CCDC7: variants seen among roughly 807,000 people sequenced by gnomAD.
CCDC7 encodes coiled-coil domain containing 7, also known as coiled-coil domain-containing protein 7.
In CCDC7, 183 loss-of-function variants were observed where a neutral mutation model predicts 196.9. That is an observed-to-expected ratio of 0.93 (90% confidence interval 0.82 to 1.05). The LOEUF (loss-of-function observed/expected upper bound fraction) is 1.05, where lower values mean the gene tolerates loss of function less well. Ranked by LOEUF, CCDC7 falls within the 50% of genes least tolerant of loss-of-function variation. CCDC7 has a pLI of 0.00. For synonymous variants in CCDC7, 525 were observed against 484.6 expected, an observed-to-expected ratio of 1.08 and a Z score of -1.10; for missense variants, 1,540 against 1,482.2, an observed-to-expected ratio of 1.04 and a Z score of -0.64.
chr10:32,548,272 A>G (rs1291220063), intron 13 of CCDC7, among the ~76,000 whole-genome samples: 1 of 152,070 alleles, frequency 6.6e-6, no homozygotes, highest in Admixed American at 6.5e-5. Flanking sequence ...CCGATTGGCT[A>G]TTTTAAAGAG....
intron 11 of CCDC7, among the ~76,000 whole-genome samples, chr10:32,526,929 G>A (rs555719430): frequency 7.2e-5 from 11 of 152,206 alleles, no homozygotes; most frequent in African/African-American, 1.7e-4. Context: ...CGTAGGTCAC[G>A]TGCCACCCAA....
At chr10:32,839,575 G>A (rs2092837426) in intron 33 of CCDC7, among the ~76,000 whole-genome samples, 1 of 151,944 alleles carries the variant, frequency 6.6e-6, no homozygotes, top group Non-Finnish European at 1.5e-5. Context: ...ATACTCCACT[G>A]ACAGCACTAG....
chr10:32,683,006 C>A (rs1196109523), intron 21 of CCDC7, among the ~76,000 whole-genome samples: 1 of 152,022 alleles, frequency 6.6e-6, no homozygotes, highest in East Asian at 1.9e-4. Flanking sequence ...TAATTAGATC[C>A]TATTTGTTAA....
chr10:32,795,268 T>C (rs190515281), intron 29 of CCDC7, among the ~76,000 whole-genome samples: 1 of 152,332 alleles, frequency 6.6e-6, no homozygotes, highest in African/African-American at 2.4e-5. Flanking sequence ...TGTCATTCTT[T>C]GTTCTTCCCC....
At chr10:32,794,743 C>A (rs1053524257) in intron 29 of CCDC7, among the ~76,000 whole-genome samples, 3 of 152,166 alleles carry the variant, frequency 2.0e-5, no homozygotes, top group African/African-American at 7.2e-5. Flanking sequence ...TCTTTTGATA[C>A]ATGTCCTTTG....
chr10:32,763,395 A>G (rs1161566295), intron 28 of CCDC7, among the ~76,000 whole-genome samples: 1 of 151,982 alleles, frequency 6.6e-6, no homozygotes, highest in Non-Finnish European at 1.5e-5. Context: ...ATCCTTACAT[A>G]CTGTTCAGGT....
intron 16 of CCDC7, among the ~76,000 whole-genome samples, chr10:32,582,059 C>A (rs1289565698): frequency 7.1e-6 from 1 of 139,908 alleles, no homozygotes; most frequent in African/African-American, 2.6e-5. Context: ...AATGCCACTA[C>A]AAAAGTCTGT....
intron 29 of CCDC7, among the ~76,000 whole-genome samples, chr10:32,789,209 C>T (rs1409177436): frequency 7.1e-6 from 1 of 141,190 alleles, no homozygotes; most frequent in East Asian, 2.1e-4. Context: ...AATCAGGAAA[C>T]ATAACATCAC....
chr10:32,825,827 G>A (rs552365527), intron 32 of CCDC7, among the ~76,000 whole-genome samples: 12 of 152,220 alleles, frequency 7.9e-5, no homozygotes, highest in South Asian at 6.2e-4. Flanking sequence ...GCACAGCCTC[G>A]CCAGGTGTCT....
intron 16 of CCDC7, chr10:32,574,313 T>C (rs1407717236): frequency 4.0e-6 from 2 of 496,608 alleles, no homozygotes; most frequent in African/African-American, 2.1e-5. Flanking sequence ...TTATATATTA[T>C]ATAATAATAT....
chr10:32,597,999 C>T (rs1418763520), intron 18 of CCDC7, among the ~76,000 whole-genome samples: 1 of 152,208 alleles, frequency 6.6e-6, no homozygotes, highest in Non-Finnish European at 1.5e-5. Context: ...ATCTCAAACT[C>T]CATGCTGGGA....
At chr10:32,757,429 G>T (rs1331803970) in intron 28 of CCDC7, among the ~76,000 whole-genome samples, 1 of 152,130 alleles carries the variant, frequency 6.6e-6, no homozygotes, top group Non-Finnish European at 1.5e-5. Context: ...AATCAAACCA[G>T]AACTCAGGAT....
intron 18 of CCDC7, among the ~76,000 whole-genome samples, chr10:32,617,583 A>AT (rs1224407693): frequency 6.6e-6 from 1 of 151,668 alleles, no homozygotes; most frequent in Non-Finnish European, 1.5e-5. Context: ...ATTTCCATGT[A>AT]TTTTTATCAT....
intron 11 of CCDC7, among the ~76,000 whole-genome samples, chr10:32,521,537 G>T (rs565789725): frequency 7.0e-4 from 105 of 149,098 alleles, no homozygotes; most frequent in African/African-American, 2.3e-3. Context: ...TTTGTATTTT[G>T]ATTTGTATCC....
At chr10:32,639,272 C>T (rs1455746349) in intron 20 of CCDC7, among the ~76,000 whole-genome samples, 1 of 152,212 alleles carries the variant, frequency 6.6e-6, no homozygotes, top group East Asian at 1.9e-4. Context: ...TTGCCTTCTG[C>T]TAGCTTTTGA....
At chr10:32,859,947 G>A (rs1020709773) in intron 41 of CCDC7, among the ~76,000 whole-genome samples, 11 of 152,124 alleles carry the variant, frequency 7.2e-5, no homozygotes, top group Non-Finnish European at 1.3e-4. Flanking sequence ...AAAAAGTCCA[G>A]GACCAGACGG....
intron 15 of CCDC7, among the ~76,000 whole-genome samples, 179 bp downstream of exon 16, chr10:32,568,070 G>T (rs1298830552): frequency 1.4e-5 from 2 of 145,508 alleles, no homozygotes; most frequent in African/African-American, 5.1e-5. Flanking sequence ...GCTATGGTGC[G>T]ATCTTGGCTC....
chr10:32,722,415 C>G (rs2082546495), intron 25 of CCDC7, among the ~76,000 whole-genome samples: 1 of 152,080 alleles, frequency 6.6e-6, no homozygotes, highest in Non-Finnish European at 1.5e-5. Flanking sequence ...AATTGGGTGG[C>G]TTCAACAACA....
intron 12 of CCDC7, 89 bp downstream of exon 13, chr10:32,543,474 A>C: frequency 9.0e-7 from 1 of 1,105,326 alleles, no homozygotes; most frequent in Non-Finnish European, 1.2e-6. Flanking sequence ...AATAAACATA[A>C]CTTATGAATA....
Sources: allele counts gnomAD v4.1 joint callset (sites outside exome capture counted in the v4.1 genomes callset), GRCh38; gene constraint gnomAD v4.1.1; transcripts MANE v1.5; gene names NCBI Gene and HGNC (gene_info 2026-07-23, HGNC 2026-07-21).